The following MICAL3 variants were observed in gnomAD, a reference collection of about 807,000 sequenced individuals.
The protein encoded by MICAL3 is microtubule associated monooxygenase, calponin and LIM domain containing 3, also known as [F-actin]-monooxygenase MICAL3.
In MICAL3, 62 loss-of-function variants were observed where a neutral mutation model predicts 207.4. That is an observed-to-expected ratio of 0.30 (90% CI 0.24 to 0.37). The LOEUF is 0.37. MICAL3 is among the 10% of genes least tolerant of loss of function. The pLI is 1.00. For synonymous variants in MICAL3, 1,077 were observed against 1,069.3 expected (o/e 1.01, Z -0.14); for missense variants, 2,368 against 2,635.6 (o/e 0.90, Z 2.22).
intron 1 of MICAL3, among the ~76,000 whole-genome samples, chr22:17,941,357 G>A (rs2146337776): frequency 6.6e-6 from 1 of 152,358 alleles, no homozygotes; most frequent in East Asian, 1.9e-4. Flanking sequence ...AGTGGATAAT[G>A]ATGATGGCAG....
chr22:17,890,445 C>T (rs116420452), intron 12 of MICAL3, among the ~76,000 whole-genome samples: 1,806 of 152,218 alleles, frequency 0.012, 39 homozygotes, highest in African/African-American at 0.041. Flanking sequence ...ACAATCTTTC[C>T]CAAGCTGCTC....
rs563261327 is a variant in MICAL3, at chr22:17,846,980, G to A, written c.2606-4963C>T. Among the ~76,000 whole-genome samples the A allele has an allele frequency of 1.6e-3, 244 of 152,320 alleles. 1 individual carries two copies. Among genetic ancestry groups the A allele is most frequent in the African/African-American group, 5.7e-3 (235 of 41,572 alleles). On this transcript the variant is annotated intron_variant, in intron 19 of 31. Transcript: ENST00000441493. Reference sequence around the variant, plus strand: ...CTCCACACATCATTCTGGAAGAAACGTTTCTCCTAACAGGACAACCTGCTC... The same window carrying A: ...CTCCACACATCATTCTGGAAGAAACATTTCTCCTAACAGGACAACCTGCTC...
intron 16 of MICAL3, among the ~76,000 whole-genome samples, chr22:17,885,260 A>G (rs1929768705): frequency 6.6e-6 from 1 of 152,230 alleles, no homozygotes; most frequent in African/African-American, 2.4e-5. Flanking sequence ...CTTTATCATA[A>G]GAACGCTTAT....
chr22:17,824,347 ACTGATG>A, intron 22 of MICAL3, among the ~76,000 whole-genome samples: 1 of 152,190 alleles, frequency 6.6e-6, no homozygotes, highest in East Asian at 1.9e-4. Flanking sequence ...GGAGCAGGGA[ACTGATG>A]GCGCCCGGTT....
chr22:17,971,200 G>A (rs778982591), intron 1 of MICAL3, among the ~76,000 whole-genome samples: 26 of 151,688 alleles, frequency 1.7e-4, no homozygotes, highest in Non-Finnish European at 3.1e-4. Flanking sequence ...GGGGCTGGGC[G>A]CTCATGCCTT....
chr22:17,844,081 C>T (rs1282037235), intron 19 of MICAL3, among the ~76,000 whole-genome samples: 2 of 152,128 alleles, frequency 1.3e-5, no homozygotes, highest in Admixed American at 6.5e-5. Flanking sequence ...CTCCTGACCT[C>T]GTGATCCGCC....
chr22:17,791,254 G>C lies in MICAL3; in HGVS notation c.5698C>G (p.Leu1900Val), dbSNP rs1372211586. The part of the protein sequence containing the change: ...DPKLMQEWFK[L>V]VQEKNAMVRY... ...ACCATGGCGTTCTTCTCCTGCACTA[G>C]CTTGAACCACTCCTGCATCAGCTTG... Residue 1900 changes from leucine (L) to valine (V), a missense_variant, in exon 30 of 32, where the codon CTA becomes GTA. Leu to Val is a conservative substitution (Grantham distance 32, BLOSUM62 1). Coordinates refer to ENST00000441493, the MANE Select transcript of MICAL3 (RefSeq NM_015241.3). The C allele has an allele frequency of 6.2e-7, 1 of 1,613,932 alleles. No individual in the cohort carries two copies. The highest frequency in any genetic ancestry group is 8.5e-7 in the Non-Finnish European group (1 of 1,179,868).
At chr22:17,888,899 T>C in intron 13 of MICAL3, 135 bp downstream of exon 13, 1 of 587,534 alleles carries the variant, frequency 1.7e-6, no homozygotes, top group Non-Finnish European at 3.0e-6. Flanking sequence ...GAGATTTCCC[T>C]GACAGCTAAC....
chr22:17,821,177 G>A (rs1408964440), intron 25 of MICAL3, among the ~76,000 whole-genome samples: 1 of 152,026 alleles, frequency 6.6e-6, no homozygotes, highest in Non-Finnish European at 1.5e-5. Context: ...GAGGTAGTAG[G>A]TGCCACCCAG....
chr22:17,849,160 C>A (rs149784606), intron 19 of MICAL3, among the ~76,000 whole-genome samples: 2 of 151,854 alleles, frequency 1.3e-5, no homozygotes, highest in African/African-American at 4.8e-5. Context: ...CTACCTGTGC[C>A]GGGCACGACG....
At chr22:17,968,023 CAG>C (rs1935229185) in intron 1 of MICAL3, among the ~76,000 whole-genome samples, 1 of 147,576 alleles carries the variant, frequency 6.8e-6, no homozygotes, top group Admixed American at 6.7e-5. Flanking sequence ...GCCTGGATGA[CAG>C]AGTGAGACTC....
chr22:17,806,911 T>C (rs2061994687), intron 29 of MICAL3, among the ~76,000 whole-genome samples: 1 of 152,228 alleles, frequency 6.6e-6, no homozygotes, highest in Non-Finnish European at 1.5e-5. Context: ...GGCAGAAGCT[T>C]GAATAACAGG....
intron 1 of MICAL3, among the ~76,000 whole-genome samples, chr22:18,018,447 G>A (rs1336321812): frequency 1.3e-5 from 2 of 152,136 alleles, no homozygotes; most frequent in Non-Finnish European, 2.9e-5. Flanking sequence ...ATACAGGCTG[G>A]ACATGGTGGC....
intron 17 of MICAL3, among the ~76,000 whole-genome samples, chr22:17,868,472 C>A (rs1907821004): frequency 6.6e-6 from 1 of 152,204 alleles, no homozygotes; most frequent in Admixed American, 6.5e-5. Context: ...GAACAGGAGG[C>A]CGAGTGACCT....
intron 28 of MICAL3, among the ~76,000 whole-genome samples, chr22:17,809,420 G>A (rs1378573718): frequency 6.6e-6 from 1 of 152,236 alleles, no homozygotes; most frequent in Non-Finnish European, 1.5e-5. Context: ...CGGATCACAA[G>A]GTCAAGAGAT....
intron 1 of MICAL3, among the ~76,000 whole-genome samples, chr22:17,944,073 G>A (rs764914723): frequency 6.6e-6 from 1 of 152,182 alleles, no homozygotes; most frequent in Non-Finnish European, 1.5e-5. Context: ...CAAGGACAGA[G>A]TCAGGGCCTT....
chr22:17,898,317 T>C (rs1931028982), intron 7 of MICAL3, among the ~76,000 whole-genome samples: 1 of 152,240 alleles, frequency 6.6e-6, no homozygotes, highest in Admixed American at 6.5e-5. Context: ...AAGGCAATTT[T>C]AGAAAGCATC....
At chr22:17,850,246 A>AGG (rs549955452) in intron 19 of MICAL3, among the ~76,000 whole-genome samples, 1 of 151,998 alleles carries the variant, frequency 6.6e-6, no homozygotes, top group South Asian at 2.1e-4. Flanking sequence ...CCCAAATGGG[A>AGG]GGGGGGCCAC....
At position 17,841,637 on chromosome 22, in the gene MICAL3, G is replaced by A; in HGVS notation, c.2801+185C>T. 1.6e-6 allele frequency: 1 copy of A among 609,054 alleles called. No individual in the cohort carries two copies. 37.7% of individuals were successfully genotyped at this position (609,054 alleles called of 1,614,324 possible). ...CTTCCTGAATCTCTGAATTGAGTCT[G>A]ATGGAGGAGTCCTCACTGACTAGAA... On this transcript the variant is annotated intron_variant, in intron 20 of 31. Transcript: ENST00000441493. The surrounding 1 kb of genome is among the most constrained non-coding windows in gnomAD (Gnocchi z 4.2).
Sources: allele counts gnomAD v4.1 joint callset (sites outside exome capture counted in the v4.1 genomes callset), GRCh38; gene constraint gnomAD v4.1.1; non-coding constraint Gnocchi (gnomAD v3.1); transcripts MANE v1.5; gene names NCBI Gene and HGNC (gene_info 2026-07-23, HGNC 2026-07-21).